Variants in CNTNAP2 observed in about 807,000 individuals in gnomAD.
CNTNAP2 encodes contactin associated protein 2, also known as contactin-associated protein-like 2.
Under a neutral mutation model 155.2 loss-of-function variants are expected in CNTNAP2, and 98 were observed. That is an observed-to-expected ratio of 0.63 (90% CI 0.54 to 0.75). The LOEUF is 0.75. Among genes scored for constraint, CNTNAP2 ranks in the 30% least tolerant of loss-of-function variants. The pLI is 0.00. For missense variants in CNTNAP2, 1,727 were observed against 1,688.1 expected, an observed-to-expected ratio of 1.02 and a Z score of -0.40; for synonymous variants, 651 against 631.2, an observed-to-expected ratio of 1.03 and a Z score of -0.47.
intron 8 of CNTNAP2, among the ~76,000 whole-genome samples, chr7:147,164,837 T>TCTG (rs1240274464): frequency 6.6e-6 from 1 of 152,196 alleles, no homozygotes; most frequent in Non-Finnish European, 1.5e-5. Flanking sequence ...CTGGATCTCT[T>TCTG]CTGCTACTTT....
intron 2 of CNTNAP2, among the ~76,000 whole-genome samples, chr7:146,817,010 G>T (rs1329238901): frequency 6.6e-6 from 1 of 152,130 alleles, no homozygotes; most frequent in Non-Finnish European, 1.5e-5. Flanking sequence ...TACCAAAATT[G>T]AGAGGGGAAA....
intron 12 of CNTNAP2, among the ~76,000 whole-genome samples, chr7:147,618,780 CT>C (rs199689435): frequency 6.6e-6 from 1 of 151,268 alleles, no homozygotes; most frequent in Non-Finnish European, 1.5e-5. Context: ...TTGTTTTTTG[CT>C]TTTTTTTCAC....
intron 21 of CNTNAP2, among the ~76,000 whole-genome samples, chr7:148,288,966 A>G (rs866315014): frequency 3.1e-4 from 42 of 137,678 alleles, no homozygotes; most frequent in Middle Eastern, 3.9e-3. Context: ...AAAAAAAAAA[A>G]AAAGAGAGAA....
rs1198519167 is a variant in CNTNAP2, at chr7:147,095,202, T to TC, written c.551-12945_551-12944insC. On this transcript the variant is annotated intron_variant, in intron 4 of 23. Coordinates refer to ENST00000361727, the MANE Select transcript of CNTNAP2 (RefSeq NM_014141.6). ...GCCTGGCTAATTTTTTTTTTTTTTT[T>TC]TTTTTGTATTTTCAGTACAGATGGG... 1.5e-3 allele frequency among the ~76,000 whole-genome samples: 227 copies of TC among 149,662 alleles called. 2 individuals are homozygous for TC. The highest frequency in any genetic ancestry group is 5.4e-3 in the African/African-American group (220 of 40,728).
At chr7:146,656,739 G>C (rs139770445) in intron 1 of CNTNAP2, among the ~76,000 whole-genome samples, 4 of 152,230 alleles carry the variant, frequency 2.6e-5, no homozygotes, top group Non-Finnish European at 5.9e-5. Flanking sequence ...AAATATTCTT[G>C]AAATATTTTC....
At chr7:146,117,743 TGA>T (rs1414921948) in intron 1 of CNTNAP2, among the ~76,000 whole-genome samples, 2 of 152,118 alleles carry the variant, frequency 1.3e-5, no homozygotes, top group African/African-American at 4.8e-5. Flanking sequence ...CCTGTTTTCA[TGA>T]GGTTTAGAAA....
intron 15 of CNTNAP2, among the ~76,000 whole-genome samples, chr7:148,070,474 C>T (rs1430862073): frequency 3.3e-5 from 5 of 152,144 alleles, no homozygotes; most frequent in African/African-American, 9.7e-5. Context: ...TCCCAGCACT[C>T]GGGAGGCCGA....
At chr7:147,398,589 C>CTTTTTTTTTT (rs58507416) in intron 10 of CNTNAP2, among the ~76,000 whole-genome samples, 23 of 87,716 alleles carry the variant, frequency 2.6e-4, no homozygotes, top group East Asian at 1.0e-3. Context: ...ACGATTTGAA[C>CTTTTTTTTTT]TTTTTTTTTT....
At chr7:147,866,916 T>G (rs945347555) in intron 13 of CNTNAP2, among the ~76,000 whole-genome samples, 4 of 152,212 alleles carry the variant, frequency 2.6e-5, no homozygotes, top group Non-Finnish European at 5.9e-5. Flanking sequence ...TGCCAATATG[T>G]GTCTTTTAAC....
At chr7:148,014,331 A>G (rs1802138118) in intron 15 of CNTNAP2, 1 of 151,406 alleles carries the variant, frequency 6.6e-6, no homozygotes, top group African/African-American at 2.4e-5. Flanking sequence ...TGGGCTTTTT[A>G]CCGCTTTGAA....
intron 13 of CNTNAP2, among the ~76,000 whole-genome samples, chr7:147,700,724 A>G (rs938657603): frequency 1.8e-4 from 27 of 152,220 alleles, no homozygotes; most frequent in African/African-American, 6.3e-4. Context: ...CCAGCCTCCA[A>G]ATGAAAAGCT....
chr7:147,701,374 C>T (rs936230690), intron 13 of CNTNAP2, among the ~76,000 whole-genome samples: 4 of 152,106 alleles, frequency 2.6e-5, no homozygotes, highest in African/African-American at 9.7e-5. Context: ...TTTACTGTAA[C>T]ATTAATTTAT....
At chr7:147,104,997 C>G (rs1800736349) in intron 4 of CNTNAP2, among the ~76,000 whole-genome samples, 1 of 149,048 alleles carries the variant, frequency 6.7e-6, no homozygotes. Context: ...GTTAAGTACC[C>G]ATTAACACTG....
intron 1 of CNTNAP2, among the ~76,000 whole-genome samples, chr7:146,513,385 C>T (rs1274360833): frequency 6.6e-6 from 1 of 151,842 alleles, no homozygotes; most frequent in Non-Finnish European, 1.5e-5. Flanking sequence ...TTTCTTCCTT[C>T]TTACCATCTT....
At chr7:147,658,355 C>G (rs1363237269) in intron 13 of CNTNAP2, among the ~76,000 whole-genome samples, 1 of 152,004 alleles carries the variant, frequency 6.6e-6, no homozygotes, top group Non-Finnish European at 1.5e-5. Flanking sequence ...TCCACAGACT[C>G]TAGTTCAATC....
intron 13 of CNTNAP2, among the ~76,000 whole-genome samples, chr7:147,708,431 G>A (rs1044019879): frequency 7.2e-5 from 11 of 152,134 alleles, no homozygotes; most frequent in East Asian, 5.8e-4. Context: ...TGCAGGTACC[G>A]TTGGACCTCC....
intron 1 of CNTNAP2, among the ~76,000 whole-genome samples, chr7:146,168,394 A>G (rs1375371954): frequency 2.6e-5 from 4 of 152,150 alleles, no homozygotes; most frequent in Non-Finnish European, 2.9e-5. Flanking sequence ...GGAAAATTTT[A>G]TATCATATTG....
chr7:148,147,569 A>C lies in CNTNAP2; in HGVS notation c.2633A>C (p.Asn878Thr). ...EIVVRSPTPL[N>T]DDQWHRVTAE... ...GTAGTGAGGTCACCAACCCCTCTCAACGATGACCAGTGGCACCGGGTCACT... is the reference window on the plus strand; with the variant it reads ...GTAGTGAGGTCACCAACCCCTCTCACCGATGACCAGTGGCACCGGGTCACT... The change falls in exon 17 of 24, where the codon AAC (asparagine) becomes ACC (threonine). Residue 878 changes from asparagine (N) to threonine (T), a missense_variant. Asn to Thr is a moderately conservative substitution (Grantham distance 65). Coordinates refer to ENST00000361727, the MANE Select transcript of CNTNAP2 (RefSeq NM_014141.6). 1 of 1,614,138 alleles carries C rather than the reference A, an allele frequency of 6.2e-7. No homozygotes were observed. Among genetic ancestry groups the C allele is most frequent in the East Asian group, 2.2e-5 (1 of 44,874 alleles).
intron 15 of CNTNAP2, chr7:148,056,422 T>TA (rs1803011222): frequency 6.6e-6 from 1 of 152,242 alleles, no homozygotes; most frequent in African/African-American, 2.4e-5. Flanking sequence ...GTCTCTTAGA[T>TA]CATAGCTTTG....
Sources: allele counts gnomAD v4.1 joint callset (sites outside exome capture counted in the v4.1 genomes callset), GRCh38; gene constraint gnomAD v4.1.1; transcripts MANE v1.5; gene names NCBI Gene and HGNC (gene_info 2026-07-23, HGNC 2026-07-21).